The following TBCD variants were observed in gnomAD, a reference collection of about 807,000 sequenced individuals.
TBCD encodes tubulin folding cofactor D.
A neutral mutation model predicts 169.3 loss-of-function variants in TBCD; 105 were observed. That is an observed-to-expected ratio of 0.62 (90% CI 0.53 to 0.73). TBCD has a LOEUF of 0.73. Among genes scored for constraint, TBCD ranks in the 30% least tolerant of loss-of-function variants. The pLI is 0.00. For missense variants in TBCD, 1,444 were observed against 1,600.1 expected, an observed-to-expected ratio of 0.90 and a Z score of 1.66; for synonymous variants, 700 against 643.9, an observed-to-expected ratio of 1.09 and a Z score of -1.32.
At chr17:82,918,365 C>G (rs1483933059) in intron 23 of TBCD, 3 of 152,264 alleles carry the variant, frequency 2.0e-5, no homozygotes, top group African/African-American at 7.2e-5. Flanking sequence ...TGCCACCAGT[C>G]TGTCCCTTCT....
At chr17:82,894,151 G>T (rs1436047637) in intron 17 of TBCD, among the ~76,000 whole-genome samples, 1 of 152,254 alleles carries the variant, frequency 6.6e-6, no homozygotes, top group Non-Finnish European at 1.5e-5. Flanking sequence ...TATGAAATGA[G>T]TAAGAGGTAT....
At chr17:82,869,151 A>G (rs2057387727) in intron 13 of TBCD, among the ~76,000 whole-genome samples, 2 of 152,214 alleles carry the variant, frequency 1.3e-5, no homozygotes, top group African/African-American at 4.8e-5. Flanking sequence ...CTGGCTTCAT[A>G]GCTGTGTTCC....
At chr17:82,804,415 C>G (rs2050803541) in intron 9 of TBCD, among the ~76,000 whole-genome samples, 1 of 149,856 alleles carries the variant, frequency 6.7e-6, no homozygotes, top group South Asian at 2.1e-4. Flanking sequence ...AAACAGTGCA[C>G]TTTTTCCTCA....
rs1287170918 is a variant in TBCD, at chr17:82,920,368, G to T, written c.2039-188G>T. On this transcript the variant is annotated intron_variant, in intron 23 of 38. Transcript: ENST00000355528. This position sits in a 1 kb window ranked among gnomAD's most constrained non-coding sequence, Gnocchi z 4.1. ...CTTCAGGCTGCTCAGCGGAGGAGGCGTCTTGGGCTTCTCATGGTGGTTCTG... is the reference window on the plus strand; with the variant it reads ...CTTCAGGCTGCTCAGCGGAGGAGGCTTCTTGGGCTTCTCATGGTGGTTCTG... The T allele has an allele frequency of 9.6e-6, 6 of 627,148 alleles. No individual in the cohort carries two copies. Among genetic ancestry groups the T allele is most frequent in the Non-Finnish European group, 1.7e-5 (6 of 357,904 alleles). The allele number at this position is 627,148 out of a possible 1,614,324, so 38.8% of individuals were successfully genotyped here.
intron 5 of TBCD, among the ~76,000 whole-genome samples, chr17:82,771,818 G>A (rs958975925): frequency 1.3e-5 from 2 of 151,992 alleles, no homozygotes; most frequent in African/African-American, 4.8e-5. Context: ...CAGCTACTGG[G>A]GAGGCTGAGG....
rs2063241857 is a variant in TBCD, at chr17:82,941,386, CCT to C, written c.3480-9_3480-8del. On this transcript the variant is annotated splice_polypyrimidine_tract_variant and intron_variant, in intron 37 of 38. Transcript: ENST00000355528. The stretch of plus-strand genomic sequence containing the variant: ...GGCACTCGAGAGACTCACGGCTCTC[CCT>C]CTCCTCACAGGGACGCGGAGCTTGC... 1 of 1,578,430 alleles carries C rather than the reference CCT, an allele frequency of 6.3e-7. No individual in the cohort carries two copies. The highest frequency in any genetic ancestry group is 8.6e-7 in the Non-Finnish European group (1 of 1,167,842).
intron 14 of TBCD, among the ~76,000 whole-genome samples, chr17:82,882,255 C>T (rs932403065): frequency 1.3e-5 from 2 of 152,214 alleles, no homozygotes; most frequent in African/African-American, 4.8e-5. Flanking sequence ...ACCCATGGGA[C>T]CTTCCCACCT....
intron 1 of TBCD, among the ~76,000 whole-genome samples, chr17:82,754,574 T>C (rs2047304804): frequency 6.6e-6 from 1 of 152,248 alleles, no homozygotes; most frequent in Admixed American, 6.5e-5. Flanking sequence ...TGGCCTCTCA[T>C]TAACTTTACA....
intron 13 of TBCD, among the ~76,000 whole-genome samples, chr17:82,815,560 T>C (rs2051823840): frequency 6.6e-6 from 1 of 152,228 alleles, no homozygotes; most frequent in Admixed American, 6.5e-5. Flanking sequence ...CCAGACCAGC[T>C]CTTGTGCCGT....
intron 13 of TBCD, among the ~76,000 whole-genome samples, chr17:82,834,179 C>T (rs2145317205): frequency 6.6e-6 from 1 of 152,276 alleles, no homozygotes; most frequent in South Asian, 2.1e-4. Flanking sequence ...AGCTCCTGAC[C>T]TCAGGTGATC....
intron 19 of TBCD, 50 bp from the exon 20 acceptor site, chr17:82,905,886 C>T (rs769810685): frequency 4.1e-6 from 6 of 1,452,994 alleles, no homozygotes; most frequent in South Asian, 1.2e-5. Context: ...TCCCACAGGC[C>T]GTCCACATGT....
intron 32 of TBCD, 138 bp downstream of exon 32, chr17:82,929,638 G>T (rs1480454123): frequency 8.1e-7 from 1 of 1,240,716 alleles, no homozygotes; most frequent in Admixed American, 2.0e-5. Context: ...TTGGTTAGGG[G>T]GTCAGGGGCC....
At chr17:82,826,574 C>G (rs574572497) in intron 13 of TBCD, among the ~76,000 whole-genome samples, 1 of 152,156 alleles carries the variant, frequency 6.6e-6, no homozygotes, top group African/African-American at 2.4e-5. Context: ...CATCCCATTG[C>G]TCAGCTAATT....
intron 14 of TBCD, among the ~76,000 whole-genome samples, chr17:82,871,995 G>A (rs1241828718): frequency 2.6e-5 from 4 of 152,172 alleles, no homozygotes; most frequent in East Asian, 1.9e-4. Flanking sequence ...GGTGACAGGC[G>A]CTTTTCTCTT....
At chr17:82,823,669 C>T (rs1359137517) in intron 13 of TBCD, among the ~76,000 whole-genome samples, 1 of 152,042 alleles carries the variant, frequency 6.6e-6, no homozygotes, top group Non-Finnish European at 1.5e-5. Context: ...TTCAAGGATC[C>T]TTTATTTTTT....
chr17:82,831,067 T>A lies in TBCD; in HGVS notation c.1318+16133T>A. The stretch of plus-strand genomic sequence containing the variant: ...CTCAGCAGCCTGGGCAGGTAGGCAT[T>A]CTGTGCTTTTCTTAACAGGCCTGAA... On this transcript the variant is annotated intron_variant, in intron 13 of 38. Transcript: ENST00000355528. The surrounding 1 kb of genome is among the most constrained non-coding windows in gnomAD (Gnocchi z 4.6). The A allele has an allele frequency of 1.2e-6, 2 of 1,614,196 alleles. No individual in the cohort carries two copies. Among genetic ancestry groups the A allele is most frequent in the Non-Finnish European group, 1.7e-6 (2 of 1,180,036 alleles).
chr17:82,862,315 C>T lies in TBCD; in HGVS notation c.1319-7909C>T, dbSNP rs567579457. 2.0e-5 allele frequency among the ~76,000 whole-genome samples: 3 copies of T among 151,866 alleles called. No homozygotes were observed. The East Asian group carries it at 5.8e-4, about 30-fold the overall frequency. ...TTTATGCAGGGGGGCTGCATAATGT[C>T]TCCCTGGAGAGCCTCAGCCTCTGTG... is the stretch of plus-strand genomic sequence containing the variant. On this transcript the variant is annotated intron_variant, in intron 13 of 38. Coordinates refer to ENST00000355528, the MANE Select transcript of TBCD (RefSeq NM_005993.5).
chr17:82,831,884 C>T lies in TBCD; in HGVS notation c.1318+16950C>T. On this transcript the variant is annotated intron_variant, in intron 13 of 38. Coordinates refer to ENST00000355528, the MANE Select transcript of TBCD (RefSeq NM_005993.5). The surrounding 1 kb of genome is among the most constrained non-coding windows in gnomAD (Gnocchi z 4.6). ...GCCGACTTGGTGTGGAAAGACACGG[C>T]CTTGGCAGTGGGGTTGTGTAAAGCC... The T allele has an allele frequency of 1.2e-6, 2 of 1,614,138 alleles. No homozygotes were observed. The highest frequency in any genetic ancestry group is 1.7e-6 in the Non-Finnish European group (2 of 1,180,012).
chr17:82,814,803 A>T, intron 12 of TBCD, 37 bp from the exon 13 acceptor site: 1 of 1,607,682 alleles, frequency 6.2e-7, no homozygotes, highest in African/African-American at 1.3e-5. Flanking sequence ...AAAAGCTGAC[A>T]CGTGGGCTGT....
Sources: allele counts gnomAD v4.1 joint callset (sites outside exome capture counted in the v4.1 genomes callset), GRCh38; gene constraint gnomAD v4.1.1; non-coding constraint Gnocchi (gnomAD v3.1); transcripts MANE v1.5; gene names NCBI Gene and HGNC (gene_info 2026-07-23, HGNC 2026-07-21).